Variants in NCKAP5 observed in about 807,000 individuals in gnomAD.
NCKAP5 encodes NCK associated protein 5.
NCKAP5 carries 92 observed loss-of-function variants against 167.0 expected under a neutral mutation model. The observed-to-expected ratio is 0.55, with a 90% confidence interval of 0.47 to 0.66. The LOEUF (loss-of-function observed/expected upper bound fraction) is 0.66, where lower values mean the gene tolerates loss of function less well. Among genes scored for constraint, NCKAP5 ranks in the 30% least tolerant of loss-of-function variants. NCKAP5 has a pLI of 0.00. For synonymous variants in NCKAP5, 891 were observed against 877.4 expected (o/e 1.02, Z -0.27); for missense variants, 2,378 against 2,315.0 (o/e 1.03, Z -0.56).
At chr2:133,529,642 C>A (rs764988720) in intron 2 of NCKAP5, among the ~76,000 whole-genome samples, 7 of 152,100 alleles carry the variant, frequency 4.6e-5, no homozygotes, top group Non-Finnish European at 8.8e-5. Context: ...GACTAATTGC[C>A]TTCCAAAAAT....
At chr2:133,243,060 T>G (rs529145260) in intron 4 of NCKAP5, among the ~76,000 whole-genome samples, 1 of 152,140 alleles carries the variant, frequency 6.6e-6, no homozygotes, top group East Asian at 1.9e-4. Flanking sequence ...AAATCAAAAG[T>G]AATCACTTTT....
At chr2:133,015,018 C>G (rs2078282191) in intron 6 of NCKAP5, among the ~76,000 whole-genome samples, 1 of 152,138 alleles carries the variant, frequency 6.6e-6, no homozygotes. Flanking sequence ...GTTTTCACAG[C>G]AGGGCTCACT....
rs150318095 is a variant in NCKAP5, at chr2:133,329,374, C to T, written c.70-26264G>A. Among the ~76,000 whole-genome samples, 1,240 of 152,226 alleles carry T rather than the reference C, an allele frequency of 8.1e-3. 15 individuals carry two copies. The highest frequency in any genetic ancestry group is 0.028 in the African/African-American group (1,183 of 41,540). On this transcript the variant is annotated intron_variant, in intron 3 of 19. Transcript: ENST00000409261. Reference sequence around the variant, plus strand: ...TACCAAGCATGCCTTAAATATCTCACAGGTTTCCAGTTGGCCTAGCAAAAA... The same window carrying T: ...TACCAAGCATGCCTTAAATATCTCATAGGTTTCCAGTTGGCCTAGCAAAAA...
intron 12 of NCKAP5, among the ~76,000 whole-genome samples, chr2:132,791,654 C>A (rs550859866): frequency 2.0e-5 from 3 of 152,310 alleles, no homozygotes; most frequent in East Asian, 1.9e-4. Context: ...AGTGGCAAAG[C>A]CTTTTACTTA....
chr2:133,212,223 CAA>C (rs1002856489), intron 5 of NCKAP5, among the ~76,000 whole-genome samples: 4 of 152,302 alleles, frequency 2.6e-5, no homozygotes, highest in African/African-American at 9.6e-5. Flanking sequence ...TAGTCTTAAA[CAA>C]AAGACTGAAA....
intron 3 of NCKAP5, among the ~76,000 whole-genome samples, chr2:133,441,845 A>C (rs1053261849): frequency 6.6e-6 from 1 of 152,172 alleles, no homozygotes; most frequent in African/African-American, 2.4e-5. Flanking sequence ...AATTAATACC[A>C]TATCTAAGAC....
intron 6 of NCKAP5, among the ~76,000 whole-genome samples, chr2:133,006,122 G>A (rs1239686547): frequency 2.0e-5 from 3 of 152,070 alleles, no homozygotes; most frequent in Non-Finnish European, 2.9e-5. Context: ...ATCTGGGTGT[G>A]GTGGCAAAGG....
intron 5 of NCKAP5, among the ~76,000 whole-genome samples, chr2:133,175,198 G>C (rs1442291148): frequency 6.6e-6 from 1 of 151,846 alleles, no homozygotes; most frequent in African/African-American, 2.4e-5. Context: ...CCCATAATTG[G>C]GTTTTTCTAT....
intron 19 of NCKAP5, 150 bp from the exon 20 acceptor site, chr2:132,673,455 G>A (rs996847290): frequency 9.9e-6 from 6 of 604,948 alleles, no homozygotes; most frequent in Admixed American, 4.3e-5. Flanking sequence ...ATAATTAGAT[G>A]TAATAATAAA....
chr2:133,440,291 T>A (rs1559486059), intron 3 of NCKAP5, among the ~76,000 whole-genome samples: 1 of 152,180 alleles, frequency 6.6e-6, no homozygotes, highest in Non-Finnish European at 1.5e-5. Context: ...ATTTGTAGTA[T>A]AGGCATAAAA....
At chr2:133,132,922 C>T (rs1395426635) in intron 5 of NCKAP5, among the ~76,000 whole-genome samples, 4 of 152,032 alleles carry the variant, frequency 2.6e-5, no homozygotes, top group South Asian at 2.1e-4. Flanking sequence ...GTGATCTGCC[C>T]GCCTCAGCCT....
intron 3 of NCKAP5, among the ~76,000 whole-genome samples, chr2:133,310,203 G>A (rs908367249): frequency 3.3e-5 from 5 of 152,306 alleles, no homozygotes; most frequent in Admixed American, 1.3e-4. Context: ...ATAGAAAGGT[G>A]TCTCATAACT....
chr2:133,368,300 T>C (rs887193017), intron 3 of NCKAP5, among the ~76,000 whole-genome samples: 11 of 152,234 alleles, frequency 7.2e-5, no homozygotes, highest in Non-Finnish European at 1.2e-4. Flanking sequence ...CTTACCCAAG[T>C]GTGCACATGA....
intron 3 of NCKAP5, among the ~76,000 whole-genome samples, chr2:133,336,963 C>G (rs1385084191): frequency 1.3e-5 from 2 of 152,082 alleles, no homozygotes; most frequent in Non-Finnish European, 2.9e-5. Flanking sequence ...CTAGGTGTCT[C>G]TTAGAGAGAC....
intron 7 of NCKAP5, among the ~76,000 whole-genome samples, chr2:132,982,473 A>C (rs1332073004): frequency 6.6e-6 from 1 of 152,210 alleles, no homozygotes; most frequent in Non-Finnish European, 1.5e-5. Context: ...TTAAGATGTG[A>C]GGGACTGCTG....
At chr2:133,218,799 A>G (rs1278160335) in intron 4 of NCKAP5, among the ~76,000 whole-genome samples, 3 of 152,220 alleles carry the variant, frequency 2.0e-5, no homozygotes, top group Admixed American at 6.5e-5. Flanking sequence ...TGTTAGGAAC[A>G]TCACTACTTT....
chr2:133,319,807 T>G (rs1453716958), intron 3 of NCKAP5, among the ~76,000 whole-genome samples: 1 of 152,224 alleles, frequency 6.6e-6, no homozygotes, highest in Non-Finnish European at 1.5e-5. Context: ...CAAATATTTT[T>G]GGGAATTTGT....
At position 133,369,022 on chromosome 2, in the gene NCKAP5, T is replaced by C. The variant is rs574927114; in HGVS notation, c.70-65912A>G. Among the ~76,000 whole-genome samples the C allele has an allele frequency of 3.5e-4, 54 of 152,300 alleles. 1 individual carries two copies. In the East Asian group the frequency reaches 4.8e-3, roughly 14 times the overall value. On this transcript the variant is annotated intron_variant, in intron 3 of 19. Coordinates refer to ENST00000409261, the MANE Select transcript of NCKAP5 (RefSeq NM_207363.3). ...GACCACTGATTGATGGTAGAAATAGTTCTCTGCATATGCTAGAGAGTAGGA... is the reference window on the plus strand; with the variant it reads ...GACCACTGATTGATGGTAGAAATAGCTCTCTGCATATGCTAGAGAGTAGGA...
chr2:133,232,035 T>C (rs1186768163), intron 4 of NCKAP5, among the ~76,000 whole-genome samples: 2 of 152,220 alleles, frequency 1.3e-5, no homozygotes, highest in Non-Finnish European at 2.9e-5. Context: ...ATGTAGTGTA[T>C]GTCATTCTCG....
Sources: gnomAD v4.1 joint callset for allele counts (sites outside exome capture counted in the v4.1 genomes callset) on GRCh38, gnomAD v4.1.1 for gene constraint, MANE v1.5 for transcripts, NCBI Gene and HGNC (gene_info 2026-07-23, HGNC 2026-07-21) for gene names.